Variants in PFKFB2 observed in about 807,000 individuals in gnomAD.
PFKFB2 encodes the protein 6-phosphofructo-2-kinase/fructose-2,6-bisphosphatase 2.
In PFKFB2, 53 loss-of-function variants were observed where a neutral mutation model predicts 68.0. The ratio of observed to expected loss-of-function variants is 0.78; its 90% CI spans 0.63 to 0.98. The LOEUF is 0.98. Among genes scored for constraint, PFKFB2 ranks in the 50% least tolerant of loss-of-function variants. The pLI is 0.00. For synonymous variants in PFKFB2, 222 were observed against 227.6 expected, an observed-to-expected ratio of 0.98 and a Z score of 0.22; for missense variants, 451 against 642.0, an observed-to-expected ratio of 0.70 and a Z score of 3.22.
chr1:207,054,654 C>G, intron 1 of PFKFB2, 47 bp from the exon 2 acceptor site: 2 of 1,330,898 alleles, frequency 1.5e-6, no homozygotes. Context: ...TAAGTTATGT[C>G]TTCTTTCTTC....
chr1:207,049,228 G>A (rs754028989), upstream of PFKFB2: 40 of 1,614,150 alleles, frequency 2.5e-5, no homozygotes, highest in Middle Eastern at 3.3e-4. Context: ...CAGAGGAGGT[G>A]TATCTGGATC....
In PFKFB2 at chr1:207,077,387, C is replaced by T. The variant is rs1225157146; in HGVS notation, c.*5016C>T. Reference sequence around the variant, plus strand: ...TTCCAGTAAGCCTTTCACTGGATATCTGTGACCAATGTTTACCTACGCAAT... The same window carrying T: ...TTCCAGTAAGCCTTTCACTGGATATTTGTGACCAATGTTTACCTACGCAAT... On this transcript the variant is annotated 3_prime_UTR_variant, in exon 15 of 15. Coordinates refer to ENST00000367080, the MANE Select transcript of PFKFB2 (RefSeq NM_006212.2). 3.0e-6 allele frequency: 3 copies of T among 984,878 alleles called. No homozygotes were observed. The allele number at this position is 984,878 out of a possible 1,614,324, so 61.0% of individuals were successfully genotyped here.
chr1:207,063,480 CA>C lies in PFKFB2; in HGVS notation c.450+60del. ...TGAGTAGAGGTGGGGAGTCAGGCTA[CA>C]GGCATGGATCTCTCACTCTAGTGGG... On this transcript the variant is annotated intron_variant, in intron 6 of 14. Transcript: ENST00000367080. The surrounding 1 kb of genome is among the most constrained non-coding windows in gnomAD (Gnocchi z 4.1). 8.7e-7 allele frequency: 1 copy of C among 1,155,456 alleles called. No homozygotes were observed. The highest frequency in any genetic ancestry group is 1.3e-6 in the Non-Finnish European group (1 of 774,012). The allele number at this position is 1,155,456 out of a possible 1,614,324, so 71.6% of individuals were successfully genotyped here. A position where few individuals can be genotyped will look rare whatever the true frequency, so the allele number is the denominator to read the frequency against.
intron 2 of PFKFB2, among the ~76,000 whole-genome samples, chr1:207,055,335 G>T (rs1333507005): frequency 6.6e-6 from 1 of 152,160 alleles, no homozygotes; most frequent in East Asian, 1.9e-4. Context: ...TTTAGCCTTT[G>T]TACTTTGTAA....
intron 2 of PFKFB2, among the ~76,000 whole-genome samples, chr1:207,059,370 G>C (rs1267394179): frequency 6.6e-6 from 1 of 152,140 alleles, no homozygotes; most frequent in Non-Finnish European, 1.5e-5. Context: ...GCCAAATCAT[G>C]GGGGATTGAG....
chr1:207,068,347 AG>A, intron 10 of PFKFB2, 38 bp downstream of exon 10: 2 of 1,511,012 alleles, frequency 1.3e-6, no homozygotes, highest in Non-Finnish European at 1.8e-6. Context: ...AAAGCCAACA[AG>A]AGTTCAGGCA....
At chr1:207,044,617 T>G (rs933281107) in intron 2 of PFKFB2, 3 of 152,312 alleles carry the variant, frequency 2.0e-5, no homozygotes, top group Admixed American at 6.5e-5. Context: ...AAAATGCTTA[T>G]AATTCATGGT....
intron 2 of PFKFB2, among the ~76,000 whole-genome samples, chr1:207,042,998 G>A (rs1682509220): frequency 6.6e-6 from 1 of 152,088 alleles, no homozygotes; most frequent in South Asian, 2.1e-4. Flanking sequence ...AACCACCATG[G>A]TGATAGCCAC....
chr1:207,043,105 C>T (rs1236168131), intron 2 of PFKFB2, among the ~76,000 whole-genome samples: 3 of 151,774 alleles, frequency 2.0e-5, no homozygotes, highest in African/African-American at 7.3e-5. Context: ...TTTCTGATGT[C>T]CTTCTGAGCA....
At position 207,073,160 on chromosome 1, in the gene PFKFB2, C is replaced by A; in HGVS notation, c.*789C>A. ...GAAACAGTTCTAAGTCTTCGATGCC[C>A]TGGGAGAATCTGGCTCTGAGCATGT... is the stretch of plus-strand genomic sequence containing the variant. On this transcript the variant is annotated 3_prime_UTR_variant, in exon 15 of 15. Transcript: ENST00000367080. 1.0e-6 allele frequency: 1 copy of A among 985,498 alleles called. No individual in the cohort carries two copies. Among genetic ancestry groups the A allele is most frequent in the Non-Finnish European group, 1.2e-6 (1 of 829,982 alleles). The allele number at this position is 985,498 out of a possible 1,614,324, so 61.0% of individuals were successfully genotyped here. A position where few individuals can be genotyped will look rare whatever the true frequency, so the allele number is the denominator to read the frequency against.
In PFKFB2 at chr1:207,070,835, A is replaced by C; in HGVS notation, c.1223-353A>C. On this transcript the variant is annotated intron_variant, in intron 12 of 14. Coordinates refer to ENST00000367080, the MANE Select transcript of PFKFB2 (RefSeq NM_006212.2). This position sits in a 1 kb window ranked among gnomAD's most constrained non-coding sequence, Gnocchi z 4.2. ...TCCCGATCTTCGGGAGCTCCTGGGA[A>C]GCCTGCATTGTGGATGCTGAGCTCA... 3.6e-6 allele frequency: 1 copy of C among 279,790 alleles called. No homozygotes were observed. The highest frequency in any genetic ancestry group is 6.9e-6 in the Non-Finnish European group (1 of 145,844). The allele number at this position is 279,790 out of a possible 1,614,324, so 17.3% of individuals were successfully genotyped here.
At chr1:207,034,752 T>A (rs1682345763) in intron 1 of PFKFB2, among the ~76,000 whole-genome samples, 1 of 152,148 alleles carries the variant, frequency 6.6e-6, no homozygotes, top group East Asian at 1.9e-4. Flanking sequence ...GTACCTAACA[T>A]CCAGTTCAGG....
At position 207,071,222 on chromosome 1, in the gene PFKFB2, C is replaced by T; in HGVS notation, c.1257C>T (p.Thr419=). Reference sequence around the variant, plus strand: ...CATACTTGAGATGCCCTCTCCATACCATCTTCAAACTTACTCCTGTGGCCT... The same window carrying T: ...CATACTTGAGATGCCCTCTCCATACTATCTTCAAACTTACTCCTGTGGCCT... ...ELPYLRCPLH[T]IFKLTPVAYG... is the part of the protein sequence containing the mutation. The change falls in exon 13 of 15, where the codon ACC becomes ACT. Residue 419 remains threonine (T), a synonymous_variant. Coordinates refer to ENST00000367080, the MANE Select transcript of PFKFB2 (RefSeq NM_006212.2). 1.2e-6 allele frequency: 2 copies of T among 1,613,762 alleles called. No individual in the cohort carries two copies. The highest frequency in any genetic ancestry group is 1.7e-6 in the Non-Finnish European group (2 of 1,179,700).
chr1:207,077,865 C>T (rs1055821271), downstream of PFKFB2: 3 of 914,794 alleles, frequency 3.3e-6, no homozygotes, highest in African/African-American at 5.4e-5. Flanking sequence ...TTGTGTTTCC[C>T]ATCCCTTCCC....
chr1:207,065,200 G>C, intron 8 of PFKFB2, 40 bp downstream of exon 8: 1 of 1,605,324 alleles, frequency 6.2e-7, no homozygotes, highest in Non-Finnish European at 8.5e-7. Context: ...CCAAGGCAAA[G>C]GTCTCATCTG....
At chr1:207,041,131 G>A (rs1008587922) in intron 1 of PFKFB2, among the ~76,000 whole-genome samples, 1 of 151,568 alleles carries the variant, frequency 6.6e-6, no homozygotes, top group African/African-American at 2.4e-5. Context: ...GTTTCACCGT[G>A]TTAGCCAGGA....
chr1:207,049,302 A>G (rs762500107), upstream of PFKFB2: 7 of 1,614,040 alleles, frequency 4.3e-6, no homozygotes, highest in African/African-American at 6.7e-5. Context: ...CCCTTTTGGT[A>G]TATCCTGCAT....
At chr1:207,047,954 T>C (rs1440503239) in intron 2 of PFKFB2, 2 of 151,984 alleles carry the variant, frequency 1.3e-5, no homozygotes, top group Admixed American at 1.3e-4. Flanking sequence ...AAGCAAACAC[T>C]CTTTAGGTGT....
intron 3 of PFKFB2, 155 bp from the exon 4 acceptor site, chr1:207,062,465 A>T: frequency 2.5e-6 from 3 of 1,205,150 alleles, no homozygotes; most frequent in Non-Finnish European, 3.5e-6. Context: ...CTTGAACCCA[A>T]CTCTTTTGAC....
Sources: gnomAD v4.1 joint callset for allele counts (sites outside exome capture counted in the v4.1 genomes callset) on GRCh38, gnomAD v4.1.1 for gene constraint, Gnocchi (gnomAD v3.1) non-coding constraint, MANE v1.5 for transcripts, NCBI Gene and HGNC (gene_info 2026-07-23, HGNC 2026-07-21) for gene names.